The following CNTRL variants were observed in gnomAD, a reference collection of about 807,000 sequenced individuals.
The protein encoded by CNTRL is centriolin.
A neutral mutation model predicts 303.7 loss-of-function variants in CNTRL; 233 were observed. The ratio of observed to expected loss-of-function variants is 0.77; its 90% CI spans 0.69 to 0.86. CNTRL has a LOEUF of 0.86. Ranked by LOEUF, CNTRL falls within the 40% of genes least tolerant of loss-of-function variation. The pLI is 0.00. For synonymous variants in CNTRL, 900 were observed against 922.2 expected (o/e 0.98, Z 0.44); for missense variants, 2,524 against 2,650.6 (o/e 0.95, Z 1.05).
rs1564271317 is a variant in CNTRL, at chr9:121,146,155, C to T, written c.3358C>T (p.Arg1120Ter). 6 of 1,612,944 alleles carry T rather than the reference C, an allele frequency of 3.7e-6. No individual in the cohort carries two copies. The highest frequency in any genetic ancestry group is 5.1e-6 in the Non-Finnish European group (6 of 1,179,732). ...TGTTTTAGAAGAAATTGCTGAACTT[C>T]GACGTGAAGTTTCTTATCAGAATGA... ...ENVLEEIAEL[R>*]REVSYQNDYI... Residue 1120 changes from arginine (R) to a stop codon, truncating the protein, a stop_gained, in exon 23 of 44, where the codon CGA (arginine) becomes TGA (stop). Transcript: ENST00000373855. LOFTEE classifies it high-confidence loss of function.
rs777858292 is a variant in CNTRL, at chr9:121,144,061, A to G, written c.3030A>G (p.Lys1010=). ...QLKSLHGTVM[K]INQERAEELQ... Reference sequence around the variant, plus strand: ...AGTCCCTTCATGGAACTGTTATGAAAATTAACCAGGAGCGAGCAGAGGTGA... The same window carrying G: ...AGTCCCTTCATGGAACTGTTATGAAGATTAACCAGGAGCGAGCAGAGGTGA... Residue 1010 remains lysine, a synonymous_variant, in exon 20 of 44, where the codon AAA becomes AAG. Coordinates refer to ENST00000373855, the MANE Select transcript of CNTRL (RefSeq NM_007018.6). 6 of 1,611,570 alleles carry G rather than the reference A, an allele frequency of 3.7e-6. No individual in the cohort carries two copies. The highest frequency in any genetic ancestry group is 5.1e-6 in the Non-Finnish European group (6 of 1,179,302).
At chr9:121,116,970 GC>G (rs1391447892) in intron 11 of CNTRL, among the ~76,000 whole-genome samples, 5 of 152,126 alleles carry the variant, frequency 3.3e-5, no homozygotes, top group African/African-American at 1.2e-4. Context: ...ACTGGCCAAA[GC>G]TTTACATAGA....
chr9:121,160,853 C>T (rs1006593392), intron 32 of CNTRL, among the ~76,000 whole-genome samples: 5 of 152,192 alleles, frequency 3.3e-5, no homozygotes, highest in Middle Eastern at 3.4e-3. Flanking sequence ...TTGATGTGCA[C>T]CTATAGTCCC....
Position 121,160,946 on chromosome 9 carries a change from T to C in CNTRL, c.5089+644T>C, listed in dbSNP as rs559882031. The stretch of plus-strand genomic sequence containing the variant: ...GTGAGCTATGATTATGCCACTATGC[T>C]TCAGCCTGGGAAACAGAGGAAGACC... On this transcript the variant is annotated intron_variant, in intron 32 of 43. Coordinates refer to ENST00000373855, the MANE Select transcript of CNTRL (RefSeq NM_007018.6). Among the ~76,000 whole-genome samples, 23 of 152,304 alleles carry C rather than the reference T, an allele frequency of 1.5e-4. 1 individual carries two copies. The highest frequency in any genetic ancestry group is 5.3e-4 in the African/African-American group (22 of 41,562).
intron 13 of CNTRL, among the ~76,000 whole-genome samples, chr9:121,124,512 T>A (rs2050396985): frequency 6.6e-6 from 1 of 152,166 alleles, no homozygotes; most frequent in Non-Finnish European, 1.5e-5. Flanking sequence ...AGGAAGACAA[T>A]AGGCCATAGT....
chr9:121,145,527 TAAAA>T, intron 22 of CNTRL, 142 bp downstream of exon 22: 3 of 842,142 alleles, frequency 3.6e-6, no homozygotes, highest in Non-Finnish European at 5.4e-6. Flanking sequence ...ATAAGTAAAA[TAAAA>T]TAAATCAGAT....
intron 8 of CNTRL, among the ~76,000 whole-genome samples, chr9:121,111,950 C>T (rs1388232903): frequency 2.0e-5 from 3 of 152,106 alleles, no homozygotes; most frequent in Non-Finnish European, 2.9e-5. Flanking sequence ...ACACTTAATA[C>T]TACAGCAACA....
At chr9:121,104,943 C>A (rs1389239036) in intron 7 of CNTRL, among the ~76,000 whole-genome samples, 4 of 152,256 alleles carry the variant, frequency 2.6e-5, no homozygotes, top group Non-Finnish European at 5.9e-5. Flanking sequence ...CTCCCAACCG[C>A]AGGTGATCCG....
intron 23 of CNTRL, among the ~76,000 whole-genome samples, chr9:121,147,090 CCT>C (rs1454484224): frequency 6.6e-6 from 1 of 152,176 alleles, no homozygotes; most frequent in Non-Finnish European, 1.5e-5. Flanking sequence ...GCAACTGCTG[CCT>C]CCGGGGTTCA....
At chr9:121,170,713 A>G (rs2053268715) in intron 39 of CNTRL, among the ~76,000 whole-genome samples, 2 of 152,204 alleles carry the variant, frequency 1.3e-5, no homozygotes, top group Non-Finnish European at 2.9e-5. Context: ...TTGGCCTCCC[A>G]AAGTGCTGGG....
Position 121,167,655 on chromosome 9 carries a change from T to G in CNTRL, c.5822T>G (p.Leu1941Arg). The change falls in exon 37 of 44, where the codon CTC (leucine) becomes CGC (arginine). Residue 1941 changes from leucine to arginine, a missense_variant. Coordinates refer to ENST00000373855, the MANE Select transcript of CNTRL (RefSeq NM_007018.6). ...CAGAATGAGATTGAAGAAAACAAGC[T>G]CAAACTAGTCCAACAAGAAATGGTA... ...VLQNEIEENK[L>R]KLVQQEMMFQ... 6.2e-7 allele frequency: 1 copy of G among 1,613,914 alleles called. No homozygotes were observed. The highest frequency in any genetic ancestry group is 8.5e-7 in the Non-Finnish European group (1 of 1,179,932).
chr9:121,122,985 ATGTT>A (rs750776564), intron 12 of CNTRL, among the ~76,000 whole-genome samples: 2 of 152,138 alleles, frequency 1.3e-5, no homozygotes, highest in Non-Finnish European at 2.9e-5. Flanking sequence ...GAAAAGCCAA[ATGTT>A]TGTTTGTGTA....
At position 121,162,108 on chromosome 9, in the gene CNTRL, AT is replaced by A. The variant is rs769878346; in HGVS notation, c.5261del (p.Ile1754LysfsTer15). 34 of 1,614,108 alleles carry A rather than the reference AT, an allele frequency of 2.1e-5. No homozygotes were observed. The highest frequency in any genetic ancestry group is 1.9e-5 in the Non-Finnish European group (23 of 1,180,036). On this transcript the variant is annotated frameshift_variant, in exon 34 of 44. Transcript: ENST00000373855. LOFTEE classifies it high-confidence loss of function. ...QQISQQQKGE[I>X]EWQKQLLERD... ...GATATCCCAGCAGCAGAAAGGGGAA[AT>A]AGAGTGGCAGAAGCAGCTCCTTGAG... is the stretch of plus-strand genomic sequence containing the variant.
chr9:121,117,993 G>T (rs1046751015), intron 11 of CNTRL, among the ~76,000 whole-genome samples: 2 of 151,042 alleles, frequency 1.3e-5, no homozygotes, highest in Admixed American at 6.6e-5. Flanking sequence ...AAAAAAAAAA[G>T]TATATAAAGA....
At position 121,154,756 on chromosome 9, in the gene CNTRL, C is replaced by T. The variant is rs746829240; in HGVS notation, c.4208C>T (p.Thr1403Ile). 6.2e-7 allele frequency: 1 copy of T among 1,608,910 alleles called. No individual in the cohort carries two copies. The highest frequency in any genetic ancestry group is 1.7e-5 in the Admixed American group (1 of 59,982). Residue 1403 changes from threonine to isoleucine, a missense_variant, in exon 27 of 44, where the codon ACT (threonine) becomes ATT (isoleucine). Thr to Ile is a moderately conservative substitution (Grantham distance 89). Coordinates refer to ENST00000373855, the MANE Select transcript of CNTRL (RefSeq NM_007018.6). ...GATGGAAATGTTGAGAGTCTTATGA[C>T]TGAACTAGAAATAGAAAAATCACTC... ...FIDGNVESLM[T>I]ELEIEKSLKH...
intron 40 of CNTRL, among the ~76,000 whole-genome samples, chr9:121,171,889 C>G (rs149085251): frequency 6.6e-6 from 1 of 152,142 alleles, no homozygotes; most frequent in African/African-American, 2.4e-5. Context: ...CTCCCCTACC[C>G]CTTGAGCAAG....
intron 11 of CNTRL, among the ~76,000 whole-genome samples, chr9:121,116,765 T>A (rs2049994929): frequency 2.6e-5 from 4 of 152,182 alleles, no homozygotes; most frequent in Admixed American, 1.3e-4. Context: ...AGGAGGCTGT[T>A]GTTCAGTACA....
intron 10 of CNTRL, among the ~76,000 whole-genome samples, chr9:121,114,130 G>T (rs1027267163): frequency 6.6e-6 from 1 of 152,218 alleles, no homozygotes; most frequent in Non-Finnish European, 1.5e-5. Context: ...TTCTCCTCAG[G>T]CCTGGGCCGA....
chr9:121,103,154 C>G (rs2049269844), intron 7 of CNTRL, among the ~76,000 whole-genome samples: 1 of 152,332 alleles, frequency 6.6e-6, no homozygotes, highest in East Asian at 1.9e-4. Context: ...AACTATACTA[C>G]AAGGCTACAG....
Sources: gnomAD v4.1 joint callset for allele counts (sites outside exome capture counted in the v4.1 genomes callset) on GRCh38, gnomAD v4.1.1 for gene constraint, MANE v1.5 for transcripts, NCBI Gene and HGNC (gene_info 2026-07-23, HGNC 2026-07-21) for gene names.